LRMDA: variants seen among roughly 807,000 people sequenced by gnomAD.
The protein encoded by LRMDA is leucine-rich melanocyte differentiation-associated protein.
A neutral mutation model predicts 29.8 loss-of-function variants in LRMDA; 18 were observed. That is an observed-to-expected ratio of 0.60 (90% CI 0.42 to 0.90). LRMDA has a LOEUF of 0.90. Ranked by LOEUF, LRMDA falls within the 40% of genes least tolerant of loss-of-function variation. The pLI is 0.00. For missense variants in LRMDA, 273 were observed against 273.9 expected, an observed-to-expected ratio of 1.00 and a Z score of 0.02; for synonymous variants, 125 against 109.4, an observed-to-expected ratio of 1.14 and a Z score of -0.89.
chr10:75,525,589 TTTC>T (rs1470694137), intron 2 of LRMDA, among the ~76,000 whole-genome samples: 39 of 109,956 alleles, frequency 3.5e-4, no homozygotes, highest in East Asian at 2.2e-3. Flanking sequence ...TCTTTCTTTC[TTTC>T]TTTTTTTTTT....
chr10:75,943,705 G>A (rs1385568900), intron 2 of LRMDA, among the ~76,000 whole-genome samples: 6 of 152,146 alleles, frequency 3.9e-5, no homozygotes, highest in Non-Finnish European at 7.4e-5. Flanking sequence ...GAGATTATTT[G>A]CTCAGTTTAT....
chr10:75,730,954 C>A (rs1405655072), intron 2 of LRMDA, among the ~76,000 whole-genome samples: 1 of 152,160 alleles, frequency 6.6e-6, no homozygotes, highest in East Asian at 1.9e-4. Context: ...TTTATTTACA[C>A]TGACAGCTTG....
intron 5 of LRMDA, among the ~76,000 whole-genome samples, chr10:76,316,269 G>C (rs535715055): frequency 6.6e-6 from 1 of 152,272 alleles, no homozygotes; most frequent in South Asian, 2.1e-4. Flanking sequence ...AGCATTCCCT[G>C]GTGCCCATGG....
At chr10:75,902,974 G>T (rs1199187316) in intron 2 of LRMDA, among the ~76,000 whole-genome samples, 1 of 152,138 alleles carries the variant, frequency 6.6e-6, no homozygotes, top group Non-Finnish European at 1.5e-5. Flanking sequence ...AGTCTGGCAG[G>T]GGGCATCAGT....
chr10:75,554,841 T>A (rs1253309660), intron 2 of LRMDA, among the ~76,000 whole-genome samples: 1 of 152,216 alleles, frequency 6.6e-6, no homozygotes, highest in African/African-American at 2.4e-5. Context: ...AAAGGATGAT[T>A]GAGTAGATGC....
At chr10:76,245,746 G>T (rs1196643674) in intron 5 of LRMDA, among the ~76,000 whole-genome samples, 1 of 152,210 alleles carries the variant, frequency 6.6e-6, no homozygotes, top group Non-Finnish European at 1.5e-5. Flanking sequence ...TTGGCATCCT[G>T]CCCTTATACT....
intron 5 of LRMDA, among the ~76,000 whole-genome samples, chr10:76,264,702 A>C (rs752543760): frequency 1.3e-5 from 2 of 152,168 alleles, no homozygotes; most frequent in Non-Finnish European, 2.9e-5. Flanking sequence ...ACTAAACAGA[A>C]AGGTACGCAT....
At chr10:76,057,632 G>T (rs1026295203) in intron 4 of LRMDA, among the ~76,000 whole-genome samples, 1 of 152,172 alleles carries the variant, frequency 6.6e-6, no homozygotes, top group Non-Finnish European at 1.5e-5. Flanking sequence ...CTTCACAGGA[G>T]ATGAGGCTTG....
At chr10:75,745,924 T>A (rs1257264309) in intron 2 of LRMDA, among the ~76,000 whole-genome samples, 1 of 152,208 alleles carries the variant, frequency 6.6e-6, no homozygotes, top group East Asian at 1.9e-4. Flanking sequence ...TTGTTTGAGT[T>A]ACGGATTTTG....
intron 6 of LRMDA, among the ~76,000 whole-genome samples, chr10:76,518,953 A>G (rs1040031273): frequency 1.3e-5 from 2 of 152,186 alleles, no homozygotes; most frequent in African/African-American, 2.4e-5. Flanking sequence ...TAAGTATCAC[A>G]TGTTCTCTGA....
chr10:75,913,222 G>T, intron 2 of LRMDA, among the ~76,000 whole-genome samples: 1 of 152,148 alleles, frequency 6.6e-6, no homozygotes. Flanking sequence ...ACTTTGGGAG[G>T]CCAAGGCTGG....
chr10:75,729,943 C>T (rs532743203), intron 2 of LRMDA, among the ~76,000 whole-genome samples: 1 of 152,120 alleles, frequency 6.6e-6, no homozygotes, highest in Non-Finnish European at 1.5e-5. Flanking sequence ...GACTACATGT[C>T]CACACCACCA....
At chr10:76,047,401 A>T in intron 4 of LRMDA, 98 bp downstream of exon 4, 1 of 1,221,940 alleles carries the variant, frequency 8.2e-7, no homozygotes. Context: ...TGTTTGGTAC[A>T]TATCAGTGGG....
At chr10:76,490,607 A>G (rs1440368830) in intron 6 of LRMDA, among the ~76,000 whole-genome samples, 1 of 151,780 alleles carries the variant, frequency 6.6e-6, no homozygotes, top group Non-Finnish European at 1.5e-5. Flanking sequence ...ACTCCTGCTC[A>G]TTTTTGGTTT....
chr10:76,173,353 A>C (rs557573214), intron 5 of LRMDA, among the ~76,000 whole-genome samples: 1 of 152,348 alleles, frequency 6.6e-6, no homozygotes, highest in Non-Finnish European at 1.5e-5. Flanking sequence ...TACAAACAGA[A>C]ATCAGTGAAA....
chr10:75,942,280 G>A (rs1846405344), intron 2 of LRMDA, among the ~76,000 whole-genome samples: 1 of 152,100 alleles, frequency 6.6e-6, no homozygotes, highest in Admixed American at 6.5e-5. Context: ...CACCCCAGAT[G>A]CCCATCCAGA....
At chr10:75,521,121 C>T (rs189868055) in intron 2 of LRMDA, among the ~76,000 whole-genome samples, 148 of 152,266 alleles carry the variant, frequency 9.7e-4, no homozygotes, top group Non-Finnish European at 1.9e-3. Context: ...GTCTGTCGGC[C>T]CCTACTGGGA....
chr10:75,619,533 G>A (rs1048774118), intron 2 of LRMDA, among the ~76,000 whole-genome samples: 16 of 152,138 alleles, frequency 1.1e-4, no homozygotes, highest in African/African-American at 3.1e-4. Context: ...AACACACAAA[G>A]CCCCAAAGGT....
intron 2 of LRMDA, among the ~76,000 whole-genome samples, chr10:75,470,291 A>AT (rs1481064979): frequency 6.6e-6 from 1 of 152,164 alleles, no homozygotes; most frequent in Non-Finnish European, 1.5e-5. Context: ...GAGGACAGGA[A>AT]TTTGAGACCA....
Sources: gnomAD v4.1 joint callset for allele counts (sites outside exome capture counted in the v4.1 genomes callset) on GRCh38, gnomAD v4.1.1 for gene constraint, MANE v1.5 for transcripts, NCBI Gene and HGNC (gene_info 2026-07-23, HGNC 2026-07-21) for gene names.